The following KDM5A variants were observed in gnomAD, a reference collection of about 807,000 sequenced individuals.
The protein encoded by KDM5A is lysine-specific demethylase 5A.
A neutral mutation model predicts 193.5 loss-of-function variants in KDM5A; 42 were observed. The observed-to-expected ratio is 0.22, with a 90% CI of 0.17 to 0.28. The LOEUF (loss-of-function observed/expected upper bound fraction) is 0.28. Ranked by LOEUF, KDM5A falls within the 10% of genes least tolerant of loss-of-function variation. KDM5A has a pLI of 1.00. For missense variants in KDM5A, 1,692 were observed against 2,055.1 expected, an observed-to-expected ratio of 0.82 and a Z score of 3.42; for synonymous variants, 796 against 718.1, an observed-to-expected ratio of 1.11 and a Z score of -1.73.
At chr12:356,381 T>C (rs373209937) in intron 6 of KDM5A, 51 bp downstream of exon 6, 159 of 1,146,266 alleles carry the variant, frequency 1.4e-4, no homozygotes, top group Middle Eastern at 1.9e-4. Context: ...TGAGTTTTTT[T>C]ACAATCATAT....
At chr12:287,778 C>T (rs1025686368) in intron 27 of KDM5A, among the ~76,000 whole-genome samples, 5 of 152,180 alleles carry the variant, frequency 3.3e-5, no homozygotes, top group African/African-American at 1.2e-4. Flanking sequence ...AGTCCCCATT[C>T]ATGCTAATCC....
chr12:309,844 G>A lies in KDM5A; in HGVS notation c.3337C>T (p.Leu1113=). 1 of 1,614,020 alleles carries A rather than the reference G, an allele frequency of 6.2e-7. No homozygotes were observed. The highest frequency in any genetic ancestry group is 1.1e-5 in the South Asian group (1 of 91,074). ...CTGGTTTCCTCCAATCCTTCCTCCA[G>A]ATCACTCAGAGGCTCCAGGTCCAGA... ...KDLDLEPLSD[L]EEGLEETRDT... The change falls in exon 22 of 28, where the codon CTG becomes TTG. Residue 1113 remains leucine, a synonymous_variant. Transcript: ENST00000399788.
chr12:311,811 A>G (rs1429120511), intron 20 of KDM5A, among the ~76,000 whole-genome samples: 1 of 152,164 alleles, frequency 6.6e-6, no homozygotes, highest in Non-Finnish European at 1.5e-5. Context: ...AGACAGGCGG[A>G]TCACCTGAGG....
At chr12:308,069 C>T (rs1943535233) in intron 22 of KDM5A, 64 bp from the exon 23 acceptor site, 2 of 1,523,098 alleles carry the variant, frequency 1.3e-6, no homozygotes, top group East Asian at 2.2e-5. Context: ...ATACCAAATC[C>T]TCAAGGCTGT....
At chr12:337,933 G>A (rs537201016) in intron 10 of KDM5A, among the ~76,000 whole-genome samples, 18 of 152,058 alleles carry the variant, frequency 1.2e-4, no homozygotes, top group Admixed American at 5.2e-4. Flanking sequence ...ATGAGCCACC[G>A]TGCCCAGCCT....
intron 25 of KDM5A, 101 bp downstream of exon 25, chr12:296,940 T>G: frequency 8.1e-7 from 1 of 1,239,512 alleles, no homozygotes; most frequent in East Asian, 2.4e-5. Flanking sequence ...TGGCCAACCA[T>G]TGTACTCCAC....
At chr12:310,022 AAAT>A (rs1943564417) in intron 21 of KDM5A, 58 bp from the exon 22 acceptor site, 1 of 1,565,166 alleles carries the variant, frequency 6.4e-7, no homozygotes, top group East Asian at 2.2e-5. Flanking sequence ...TTAAAAGTAA[AAAT>A]AATAAAGGAA....
At chr12:329,131 G>A in intron 13 of KDM5A, 102 bp from the exon 14 acceptor site, 1 of 920,756 alleles carries the variant, frequency 1.1e-6, no homozygotes, top group South Asian at 1.4e-5. Context: ...AAAGAAGACA[G>A]AATACCAAAT....
intron 3 of KDM5A, among the ~76,000 whole-genome samples, chr12:369,115 A>C (rs1944392847): frequency 6.6e-6 from 1 of 152,262 alleles, no homozygotes; most frequent in Non-Finnish European, 1.5e-5. Flanking sequence ...AGAGTTGAAC[A>C]CATCTCTTTA....
At chr12:287,785 A>C (rs1475395255) in intron 27 of KDM5A, among the ~76,000 whole-genome samples, 2 of 152,162 alleles carry the variant, frequency 1.3e-5, no homozygotes, top group Non-Finnish European at 2.9e-5. Flanking sequence ...ATTCATGCTA[A>C]TCCATTGGAT....
intron 3 of KDM5A, among the ~76,000 whole-genome samples, chr12:383,583 C>A (rs146679382): frequency 1.2e-4 from 18 of 152,050 alleles, no homozygotes; most frequent in Admixed American, 6.5e-4. Context: ...ACACTCAGCA[C>A]AAGATAACAT....
intron 8 of KDM5A, among the ~76,000 whole-genome samples, chr12:353,390 G>C (rs544000845): frequency 1.5e-4 from 23 of 152,256 alleles, no homozygotes; most frequent in Middle Eastern, 3.4e-3. Flanking sequence ...TTAATAGCAT[G>C]AAATTGGATG....
At chr12:353,920 C>CA (rs35599427) in intron 8 of KDM5A, among the ~76,000 whole-genome samples, 156 bp downstream of exon 8, 84,833 of 120,492 alleles carry the variant, frequency 0.7, 28,499 homozygotes, top group Middle Eastern at 0.79. Flanking sequence ...GACACCATCT[C>CA]AAAAAAAAAA....
At chr12:370,984 A>C (rs1304017576) in intron 3 of KDM5A, among the ~76,000 whole-genome samples, 2 of 152,186 alleles carry the variant, frequency 1.3e-5, no homozygotes, top group Non-Finnish European at 2.9e-5. Context: ...CATGGTGCAT[A>C]TGTGCCACAT....
At chr12:328,128 CAG>C (rs1943815777) in intron 14 of KDM5A, among the ~76,000 whole-genome samples, 1 of 152,158 alleles carries the variant, frequency 6.6e-6, no homozygotes, top group African/African-American at 2.4e-5. Context: ...TGGGTATATA[CAG>C]AGTCAAAACT....
chr12:306,282 G>C (rs1164745664), intron 24 of KDM5A, among the ~76,000 whole-genome samples: 1 of 151,860 alleles, frequency 6.6e-6, no homozygotes, highest in Admixed American at 6.6e-5. Flanking sequence ...GCCTAGAATG[G>C]AATTCTTAAA....
At chr12:376,001 C>T (rs1263406491) in intron 3 of KDM5A, among the ~76,000 whole-genome samples, 1 of 152,238 alleles carries the variant, frequency 6.6e-6, no homozygotes, top group African/African-American at 2.4e-5. Flanking sequence ...CGAGGCGGTG[C>T]CTCCCAGTTA....
intron 2 of KDM5A, among the ~76,000 whole-genome samples, chr12:384,872 A>G (rs1944620669): frequency 6.6e-6 from 1 of 152,194 alleles, no homozygotes; most frequent in East Asian, 1.9e-4. Context: ...TCAAGTATCT[A>G]ATTACAAGAG....
At chr12:324,912 T>G (rs190395372) in intron 14 of KDM5A, among the ~76,000 whole-genome samples, 3 of 151,650 alleles carry the variant, frequency 2.0e-5, no homozygotes, top group Admixed American at 2.0e-4. Context: ...GCATATGAAG[T>G]GCATTTTACC....
Sources: gnomAD v4.1 joint callset for allele counts (sites outside exome capture counted in the v4.1 genomes callset) on GRCh38, gnomAD v4.1.1 for gene constraint, MANE v1.5 for transcripts, NCBI Gene and HGNC (gene_info 2026-07-23, HGNC 2026-07-21) for gene names.